Variants in TEDC1 observed in about 807,000 individuals in gnomAD.
TEDC1 encodes the protein tubulin epsilon and delta complex protein 1.
TEDC1 carries 54 observed loss-of-function variants against 59.9 expected under a neutral mutation model. That is an observed-to-expected ratio of 0.90 (90% CI 0.72 to 1.13). The LOEUF (loss-of-function observed/expected upper bound fraction) is 1.13. Ranked by LOEUF, TEDC1 falls within the 50% of genes most tolerant of loss-of-function variation. The pLI, the probability that TEDC1 is intolerant of heterozygous loss-of-function variation, is 0.00. For missense variants in TEDC1, 734 were observed against 683.4 expected (o/e 1.07, Z -0.83); for synonymous variants, 353 against 298.1 (o/e 1.18, Z -1.90).
At position 105,493,843 on chromosome 14, in the gene TEDC1, G is replaced by T. The variant is rs1595472999; in HGVS notation, c.594G>T (p.Leu198=). 1 of 1,606,908 alleles carries T rather than the reference G, an allele frequency of 6.2e-7. No homozygotes were observed. Among genetic ancestry groups the T allele is most frequent in the East Asian group, 2.2e-5 (1 of 44,862 alleles). The change falls in exon 5 of 9, where the codon CTG becomes CTT. Residue 198 remains leucine, a synonymous_variant. Transcript: ENST00000392523. ...TGCACTACCTGTTTTAGATCCACCT[G>T]TACACACGCGGCTGCCACAGCGACC... ...EQCALLSKIH[L]YTRGCHSDQS...
chr14:105,497,278 C>G, intron 6 of TEDC1, 79 bp from the exon 7 acceptor site: 1 of 1,400,466 alleles, frequency 7.1e-7, no homozygotes, highest in Non-Finnish European at 9.8e-7. Context: ...GGTGTCGGCG[C>G]TGGGTCCAGC....
chr14:105,494,114 T>C (rs2084287083), intron 5 of TEDC1, 181 bp downstream of exon 5: 2 of 612,228 alleles, frequency 3.3e-6, no homozygotes, highest in Non-Finnish European at 5.8e-6. Flanking sequence ...TCTGGGCCTC[T>C]CCTAGCCTCA....
Position 105,497,846 on chromosome 14 carries a change from C to A in TEDC1, c.1027C>A (p.Gln343Lys). The A allele has an allele frequency of 6.4e-7, 1 of 1,572,232 alleles. No individual in the cohort carries two copies. The highest frequency in any genetic ancestry group is 8.6e-7 in the Non-Finnish European group (1 of 1,158,990). ...CCCGGAGGTGCCTGCTGCAGCCTCA[C>A]AGCCCACCTTCCTGCCCTGGGTCCC... ...CAPEVPAAAS[Q>K]PTFLPWVPER... Residue 343 changes from glutamine (Q) to lysine (K), a missense_variant, in exon 8 of 9, where the codon CAG becomes AAG. Coordinates refer to ENST00000392523, the MANE Select transcript of TEDC1 (RefSeq NM_001367178.1).
intron 4 of TEDC1, among the ~76,000 whole-genome samples, chr14:105,493,336 C>G (rs1260282168): frequency 6.6e-6 from 1 of 152,150 alleles, no homozygotes; most frequent in African/African-American, 2.4e-5. Context: ...TTCCAGGGAC[C>G]TCTCACCCCG....
At chr14:105,496,264 G>A (rs1452144542) in intron 6 of TEDC1, 178 bp downstream of exon 6, 2 of 659,172 alleles carry the variant, frequency 3.0e-6, no homozygotes, top group Non-Finnish European at 5.1e-6. Flanking sequence ...CCGTACCCAT[G>A]GTGGAGGCCT....
chr14:105,492,865 C>T (rs190961066), intron 4 of TEDC1, 131 bp downstream of exon 4: 1,370 of 1,300,312 alleles, frequency 1.1e-3, no homozygotes, highest in Non-Finnish European at 1.3e-3. Flanking sequence ...CCTGCCCTGG[C>T]TTACCCAAAG....
At chr14:105,491,010 A>C (rs1288423278), upstream of TEDC1, 1 of 1,548,884 alleles carries the variant, frequency 6.5e-7, no homozygotes, top group East Asian at 2.4e-5. Flanking sequence ...GTGGGTCCGC[A>C]CGAGACAGAA....
chr14:105,491,165 C>T (rs2084196261), upstream of TEDC1: 28 of 1,550,300 alleles, frequency 1.8e-5, no homozygotes, highest in Non-Finnish European at 2.4e-5. Flanking sequence ...GTACAGGTCT[C>T]GGCCAGCGCG....
upstream of TEDC1, chr14:105,491,135 C>A (rs2084195215): frequency 1.9e-6 from 3 of 1,550,908 alleles, no homozygotes. Context: ...GGGTACAGGT[C>A]TCGGGAGCGC....
In TEDC1 at chr14:105,496,193, C is replaced by T. The variant is rs936575563; in HGVS notation, c.891+107C>T. On this transcript the variant is annotated intron_variant, in intron 6 of 8. Coordinates refer to ENST00000392523, the MANE Select transcript of TEDC1 (RefSeq NM_001367178.1). ...CTCCTCCTCTCCTGCCTGCTCCCAC[C>T]CCTGGCCCTTACCTTCTTGGGAACT... The T allele has an allele frequency of 1.4e-5, 15 of 1,083,920 alleles. No individual in the cohort carries two copies. The Admixed American group carries it at 3.8e-4, about 28-fold the overall frequency. The allele number at this position is 1,083,920 out of a possible 1,614,324, so 67.1% of individuals were successfully genotyped here.
chr14:105,492,815 C>T lies in TEDC1; in HGVS notation c.585+81C>T, dbSNP rs147817802. On this transcript the variant is annotated intron_variant, in intron 4 of 8. Transcript: ENST00000392523. Reference sequence around the variant, plus strand: ...AGCTGCCAGTCCCTGCAGCCCGTCCCGTGAGGCCTGGCACAGGCTTTTGGC... The same window carrying T: ...AGCTGCCAGTCCCTGCAGCCCGTCCTGTGAGGCCTGGCACAGGCTTTTGGC... 1,231 of 1,486,634 alleles carry T rather than the reference C, an allele frequency of 8.3e-4. 22 individuals are homozygous for T. The East Asian group carries it at 0.027, about 33-fold the overall frequency. 92.1% of individuals were successfully genotyped at this position (1,486,634 alleles called of 1,614,324 possible). A position where few individuals can be genotyped will look rare whatever the true frequency, so the allele number is the denominator to read the frequency against.
chr14:105,498,125 G>T, intron 8 of TEDC1, 148 bp downstream of exon 8: 1 of 1,037,230 alleles, frequency 9.6e-7, no homozygotes, highest in African/African-American at 1.6e-5. Flanking sequence ...CTGAGGGAGC[G>T]GGAGGGCACC....
chr14:105,497,958 G>A lies in TEDC1; in HGVS notation c.1139G>A (p.Arg380Gln), dbSNP rs1011819628. The A allele has an allele frequency of 1.1e-4, 176 of 1,534,182 alleles. No homozygotes were observed. Among genetic ancestry groups the A allele is most frequent in the Middle Eastern group, 2.0e-4 (1 of 5,110 alleles). ...EELREAAERR[R>Q]AAWEAKAGGC... ...CTGCGGGAGGCTGCGGAGCGCAGGC[G>A]GGCGGCCTGGGAGGCCAAGGTGAGT... Residue 380 changes from arginine (R) to glutamine (Q), a missense_variant, in exon 8 of 9, where the codon CGG (arginine) becomes CAG (glutamine). By Grantham distance (43) the Arg-to-Gln change is conservative (BLOSUM62 1). Transcript: ENST00000392523.
intron 7 of TEDC1, 140 bp downstream of exon 7, chr14:105,497,583 A>G (rs2141808497): frequency 8.6e-7 from 1 of 1,168,094 alleles, no homozygotes; most frequent in East Asian, 2.6e-5. Context: ...TCTTTCTAGG[A>G]CTTCCACTCG....
At chr14:105,498,322 T>A (rs1237560485) in intron 8 of TEDC1, among the ~76,000 whole-genome samples, 1 of 152,226 alleles carries the variant, frequency 6.6e-6, no homozygotes, top group East Asian at 1.9e-4. Context: ...TCTAACCTCC[T>A]GGTGGCCACC....
chr14:105,490,999 A>T (rs587621782), upstream of TEDC1: 3 of 1,543,340 alleles, frequency 1.9e-6, no homozygotes, highest in East Asian at 7.3e-5. Context: ...GGAGCCCGGA[A>T]GTGGGTCCGC....
At chr14:105,492,760 CAG>C (rs1205683907) in intron 4 of TEDC1, 26 bp downstream of exon 4, 15 of 1,536,488 alleles carry the variant, frequency 9.8e-6, no homozygotes, top group East Asian at 4.9e-5. Flanking sequence ...GGCTTCCACT[CAG>C]GGGCTGTGTC....
rs781787226 is a variant in TEDC1 at position 105,493,955 on chromosome 14, C to CG, written c.684+29dup. 3.1e-3 allele frequency: 302 copies of CG among 98,930 alleles called. 3 individuals carry two copies. The highest frequency in any genetic ancestry group is 0.019 in the Middle Eastern group (9 of 466). The allele number at this position is 98,930 out of a possible 1,614,324, so 6.1% of individuals were successfully genotyped here. On this transcript the variant is annotated intron_variant, in intron 5 of 8. Coordinates refer to ENST00000392523, the MANE Select transcript of TEDC1 (RefSeq NM_001367178.1). ...GCAGGTGAGGGCGGGCAAGCTGCTG[C>CG]GGGGGGGTGGGGGTGGGCTGGGGGG...
At chr14:105,495,790 G>C in intron 5 of TEDC1, 90 bp from the exon 6 acceptor site, 2 of 1,073,218 alleles carry the variant, frequency 1.9e-6, no homozygotes, top group South Asian at 3.2e-5. Context: ...GGTGGGCTGG[G>C]GGGGCCTGGA....
Sources: allele counts gnomAD v4.1 joint callset (sites outside exome capture counted in the v4.1 genomes callset), GRCh38; gene constraint gnomAD v4.1.1; transcripts MANE v1.5; gene names NCBI Gene and HGNC (gene_info 2026-07-23, HGNC 2026-07-21).